TMEM117: variants seen among roughly 807,000 people sequenced by gnomAD.
The protein encoded by TMEM117 is transmembrane protein 117.
TMEM117 carries 27 observed loss-of-function variants against 52.4 expected under a neutral mutation model. The observed-to-expected ratio is 0.51, with a 90% CI of 0.38 to 0.71. The LOEUF (loss-of-function observed/expected upper bound fraction) is 0.71. TMEM117 is among the 30% of genes least tolerant of loss of function. TMEM117 has a pLI of 0.00. For synonymous variants in TMEM117, 215 were observed against 206.3 expected (o/e 1.04, Z -0.36); for missense variants, 556 against 630.5 (o/e 0.88, Z 1.26).
At chr12:44,310,565 G>A (rs1045933178) in intron 6 of TMEM117, among the ~76,000 whole-genome samples, 3 of 152,200 alleles carry the variant, frequency 2.0e-5, no homozygotes, top group Non-Finnish European at 1.5e-5. Flanking sequence ...TTGAACCCTG[G>A]AGGCGGAGGT....
intron 6 of TMEM117, among the ~76,000 whole-genome samples, chr12:44,331,262 T>TAA (rs1951267530): frequency 6.6e-6 from 1 of 152,028 alleles, no homozygotes; most frequent in African/African-American, 2.4e-5. Context: ...TTTAAACTCT[T>TAA]TGATCATCTA....
intron 6 of TMEM117, among the ~76,000 whole-genome samples, chr12:44,371,298 TAGAA>T (rs1278876280): frequency 4.6e-5 from 7 of 152,152 alleles, no homozygotes; most frequent in Admixed American, 2.6e-4. Context: ...GAGATTAACA[TAGAA>T]AGAAATAAAT....
At chr12:44,030,065 TA>T (rs1946609455) in intron 3 of TMEM117, among the ~76,000 whole-genome samples, 3 of 152,176 alleles carry the variant, frequency 2.0e-5, no homozygotes, top group South Asian at 2.1e-4. Context: ...TTAATTGGCT[TA>T]AAAATAAGAG....
intron 2 of TMEM117, among the ~76,000 whole-genome samples, chr12:43,845,825 G>C: frequency 6.6e-6 from 1 of 152,060 alleles, no homozygotes; most frequent in African/African-American, 2.4e-5. Flanking sequence ...AGTTTGCTCA[G>C]AATGATGGTT....
intron 6 of TMEM117, among the ~76,000 whole-genome samples, chr12:44,308,926 A>AT (rs1353389925): frequency 6.6e-6 from 1 of 152,108 alleles, no homozygotes; most frequent in Non-Finnish European, 1.5e-5. Context: ...GCCTGTAACT[A>AT]TTTTTAATGG....
At chr12:43,843,956 A>T (rs1056200645) in intron 1 of TMEM117, among the ~76,000 whole-genome samples, 19 of 152,228 alleles carry the variant, frequency 1.2e-4, no homozygotes, top group African/African-American at 4.6e-4. Flanking sequence ...CTCTGAGGAG[A>T]GGGATTTGGG....
chr12:44,353,118 C>A (rs1222523919), intron 6 of TMEM117, among the ~76,000 whole-genome samples: 2 of 152,160 alleles, frequency 1.3e-5, no homozygotes, highest in African/African-American at 4.8e-5. Context: ...CTGTTCATAT[C>A]CTTTGCCCAC....
At chr12:44,338,296 G>T (rs938345146) in intron 6 of TMEM117, among the ~76,000 whole-genome samples, 1 of 152,072 alleles carries the variant, frequency 6.6e-6, no homozygotes, top group African/African-American at 2.4e-5. Flanking sequence ...AGTCTATAAA[G>T]TGATTTCTAA....
At chr12:43,908,452 C>A (rs7958952) in intron 2 of TMEM117, among the ~76,000 whole-genome samples, 134,709 of 137,608 alleles carry the variant, frequency 0.98, 66,021 homozygotes, top group East Asian at 1. Context: ...TGAGCAAAAT[C>A]ACCAGCTAAC....
chr12:43,946,044 G>A (rs1308270170), intron 3 of TMEM117, among the ~76,000 whole-genome samples: 1 of 152,166 alleles, frequency 6.6e-6, no homozygotes, highest in Non-Finnish European at 1.5e-5. Context: ...AAATGTTCAG[G>A]CTTTAGAAAG....
intron 2 of TMEM117, among the ~76,000 whole-genome samples, chr12:43,914,347 A>AC: frequency 1.3e-5 from 2 of 152,150 alleles, no homozygotes; most frequent in Middle Eastern, 3.4e-3. Context: ...CTTAGCTCTA[A>AC]TGAACCCGCT....
intron 3 of TMEM117, among the ~76,000 whole-genome samples, chr12:44,134,826 T>C (rs1242916750): frequency 6.6e-6 from 1 of 152,140 alleles, no homozygotes; most frequent in East Asian, 1.9e-4. Flanking sequence ...ACGAATATAA[T>C]CTCGGTGACG....
the TMEM117 span, among the ~76,000 whole-genome samples, chr12:43,828,499 A>G: frequency 6.6e-6 from 1 of 152,234 alleles, no homozygotes; most frequent in South Asian, 2.1e-4. Flanking sequence ...TGAGAGGCAG[A>G]GAGACCAGCC....
chr12:43,904,822 A>G (rs1429444593), intron 2 of TMEM117, among the ~76,000 whole-genome samples: 10 of 152,218 alleles, frequency 6.6e-5, no homozygotes, highest in Admixed American at 6.5e-4. Flanking sequence ...CTCCAAAATA[A>G]CATTTGCATC....
At chr12:44,219,507 G>A (rs570672099) in intron 5 of TMEM117, among the ~76,000 whole-genome samples, 1 of 152,112 alleles carries the variant, frequency 6.6e-6, no homozygotes, top group East Asian at 1.9e-4. Context: ...AGTTCAATTT[G>A]CCAGTAAAAC....
At chr12:44,306,194 C>A (rs1005840677) in intron 6 of TMEM117, among the ~76,000 whole-genome samples, 2 of 151,674 alleles carry the variant, frequency 1.3e-5, no homozygotes, top group East Asian at 3.9e-4. Flanking sequence ...TCCTGGGCAA[C>A]AGGGCCATCC....
At chr12:44,228,735 T>C (rs557824131) in intron 5 of TMEM117, among the ~76,000 whole-genome samples, 19 of 152,158 alleles carry the variant, frequency 1.2e-4, no homozygotes, top group Non-Finnish European at 2.8e-4. Context: ...GGGGATATGC[T>C]TGGCATGTTC....
At chr12:43,823,236 C>A in the TMEM117 span, among the ~76,000 whole-genome samples, 2 of 152,266 alleles carry the variant, frequency 1.3e-5, no homozygotes, top group East Asian at 3.9e-4. Context: ...GCAGTCCATA[C>A]ATTTTATGTT....
At chr12:43,852,954 C>T (rs1443010423) in intron 2 of TMEM117, among the ~76,000 whole-genome samples, 1 of 152,204 alleles carries the variant, frequency 6.6e-6, no homozygotes, top group Non-Finnish European at 1.5e-5. Flanking sequence ...GAAGGTATTA[C>T]TTAGCTGAAA....
Sources: allele counts gnomAD v4.1 joint callset (sites outside exome capture counted in the v4.1 genomes callset), GRCh38; gene constraint gnomAD v4.1.1; transcripts MANE v1.5; gene names NCBI Gene and HGNC (gene_info 2026-07-23, HGNC 2026-07-21).